SUCLG2: variants seen among roughly 807,000 people sequenced by gnomAD.
SUCLG2 encodes the protein succinate--CoA ligase [GDP-forming] subunit beta, mitochondrial.
A neutral mutation model predicts 47.9 loss-of-function variants in SUCLG2; 42 were observed. That is an observed-to-expected ratio of 0.88 (90% CI 0.69 to 1.14). SUCLG2 has a LOEUF of 1.14. Among genes scored for constraint, SUCLG2 ranks in the 50% most tolerant of loss-of-function variants. The pLI, the probability that SUCLG2 is intolerant of heterozygous loss-of-function variation, is 0.00. For synonymous variants in SUCLG2, 195 were observed against 197.3 expected, an observed-to-expected ratio of 0.99 and a Z score of 0.10; for missense variants, 571 against 525.9, an observed-to-expected ratio of 1.09 and a Z score of -0.84.
chr3:67,380,219 G>T (rs1395950794), intron 10 of SUCLG2, among the ~76,000 whole-genome samples: 1 of 151,020 alleles, frequency 6.6e-6, no homozygotes. Flanking sequence ...TTTGGGAGTG[G>T]CTCCTTTTGC....
In SUCLG2 at chr3:67,511,016, G is replaced by A. The variant is rs752484771; in HGVS notation, c.661-2113C>T. Among the ~76,000 whole-genome samples, 21 of 150,448 alleles carry A rather than the reference G, an allele frequency of 1.4e-4. 1 individual carries two copies. Among genetic ancestry groups the A allele is most frequent in the South Asian group, 4.2e-4 (2 of 4,742 alleles). On this transcript the variant is annotated intron_variant, in intron 6 of 10. Transcript: ENST00000307227. ...AGCAATTCCCCTGCCTCAGCCTCCC[G>A]AGTAGCTAGGACTACAGGTGTGCCA... is the stretch of plus-strand genomic sequence containing the variant.
chr3:67,425,521 A>C (rs1019100671), intron 9 of SUCLG2, among the ~76,000 whole-genome samples: 2 of 151,692 alleles, frequency 1.3e-5, no homozygotes, highest in African/African-American at 2.4e-5. Flanking sequence ...CCTAAGCATA[A>C]AAAAAAAGGT....
intron 6 of SUCLG2, among the ~76,000 whole-genome samples, chr3:67,511,415 T>C (rs1430047344): frequency 6.6e-6 from 1 of 152,172 alleles, no homozygotes; most frequent in Non-Finnish European, 1.5e-5. Context: ...GGGAGGTAAC[T>C]GAATCATGGG....
At chr3:67,477,016 C>T (rs1704779992) in intron 9 of SUCLG2, among the ~76,000 whole-genome samples, 2 of 152,098 alleles carry the variant, frequency 1.3e-5, no homozygotes, top group Non-Finnish European at 2.9e-5. Context: ...TTATCTATTA[C>T]CCCCTGAACA....
At chr3:67,537,933 A>G (rs1706591326) in intron 2 of SUCLG2, among the ~76,000 whole-genome samples, 1 of 152,044 alleles carries the variant, frequency 6.6e-6, no homozygotes, top group African/African-American at 2.4e-5. Context: ...TCTTTCTTGT[A>G]AATTTGTTTA....
chr3:67,400,833 T>G lies in SUCLG2; in HGVS notation c.1081A>C (p.Asn361His). The change falls in exon 10 of 11, where the codon AAT becomes CAT. Residue 361 changes from asparagine (N) to histidine (H), a missense_variant. By Grantham distance (68) the Asn-to-His change is moderately conservative (BLOSUM62 1). Transcript: ENST00000307227. ...ADPKVEAILV[N>H]IFGGIVNCAI... Reference sequence around the variant, plus strand: ...CAGTTGACGATACCACCAAATATATTGACAAGGATGGCTTCAACCTGAAAT... The same window carrying G: ...CAGTTGACGATACCACCAAATATATGGACAAGGATGGCTTCAACCTGAAAT... 1 of 1,612,842 alleles carries G rather than the reference T, an allele frequency of 6.2e-7. No individual in the cohort carries two copies. The highest frequency in any genetic ancestry group is 8.5e-7 in the Non-Finnish European group (1 of 1,179,792).
At chr3:67,553,489 T>C (rs575278285) in intron 2 of SUCLG2, among the ~76,000 whole-genome samples, 2 of 152,364 alleles carry the variant, frequency 1.3e-5, no homozygotes, top group Admixed American at 6.5e-5. Flanking sequence ...AAGGGGGCTT[T>C]TGGACTTAAA....
intron 6 of SUCLG2, among the ~76,000 whole-genome samples, chr3:67,509,744 G>C (rs968753408): frequency 1.4e-4 from 22 of 152,152 alleles, no homozygotes; most frequent in African/African-American, 5.3e-4. Context: ...TTAGGTATCA[G>C]TCTCATTCCC....
At chr3:67,435,716 G>C (rs1408822827) in intron 9 of SUCLG2, among the ~76,000 whole-genome samples, 2 of 152,152 alleles carry the variant, frequency 1.3e-5, no homozygotes, top group East Asian at 3.9e-4. Context: ...AAGAAAGATG[G>C]GCCCTAAATG....
rs559628675 is a variant in SUCLG2, at chr3:67,498,376, C to T, written c.758-81G>A. ...AGTTCTTCAGGCTGGTAGGCACAAG[C>T]GAAGGGAAAGTTAAGTACTGTCATT... is the stretch of plus-strand genomic sequence containing the variant. On this transcript the variant is annotated intron_variant, in intron 7 of 10. Transcript: ENST00000307227. 76 of 1,468,476 alleles carry T rather than the reference C, an allele frequency of 5.2e-5. No individual in the cohort carries two copies. In the African/African-American group the frequency reaches 8.2e-4, roughly 16 times the overall value. 91.0% of individuals were successfully genotyped at this position (1,468,476 alleles called of 1,614,324 possible). A position where few individuals can be genotyped will look rare whatever the true frequency, so the allele number is the denominator to read the frequency against.
chr3:67,495,712 T>C (rs566123680), intron 9 of SUCLG2, 86 bp downstream of exon 9: 5 of 1,457,090 alleles, frequency 3.4e-6, no homozygotes, highest in East Asian at 4.6e-5. Flanking sequence ...TATTGACTTA[T>C]CAACTCTCAC....
rs558211078 is a variant in SUCLG2, at chr3:67,376,134, C to T, written c.1184-275G>A. 4.9e-5 allele frequency: 48 copies of T among 984,846 alleles called. No homozygotes were observed. The South Asian group carries it at 2.1e-3, about 43-fold the overall frequency. The allele number at this position is 984,846 out of a possible 1,614,324, so 61.0% of individuals were successfully genotyped here. Reference sequence around the variant, plus strand: ...CTGAGTTGTCTGCTGATAATCACAGCCATGTGGATTTAATGCGGTTTTGGC... The same window carrying T: ...CTGAGTTGTCTGCTGATAATCACAGTCATGTGGATTTAATGCGGTTTTGGC... On this transcript the variant is annotated intron_variant, in intron 10 of 10. Transcript: ENST00000307227.
chr3:67,585,850 C>A (rs1708000075), intron 2 of SUCLG2, among the ~76,000 whole-genome samples: 1 of 151,724 alleles, frequency 6.6e-6, no homozygotes, highest in South Asian at 2.1e-4. Flanking sequence ...GCCTGTAATT[C>A]CAGCTACTTG....
chr3:67,410,233 TATA>T (rs1261297933), intron 9 of SUCLG2, among the ~76,000 whole-genome samples: 2 of 152,122 alleles, frequency 1.3e-5, no homozygotes, highest in African/African-American at 4.8e-5. Flanking sequence ...AGGTCAAAGT[TATA>T]GTATCTACAA....
intron 10 of SUCLG2, among the ~76,000 whole-genome samples, chr3:67,380,522 T>C (rs1415015074): frequency 6.6e-6 from 1 of 152,218 alleles, no homozygotes; most frequent in Non-Finnish European, 1.5e-5. Flanking sequence ...AGTTACACTT[T>C]AATTACCACC....
At chr3:67,603,272 T>C (rs1374066976) in intron 2 of SUCLG2, among the ~76,000 whole-genome samples, 1 of 152,252 alleles carries the variant, frequency 6.6e-6, no homozygotes, top group South Asian at 2.1e-4. Context: ...TAACCACATG[T>C]CATAGGACAA....
chr3:67,454,725 G>A (rs913911323), intron 9 of SUCLG2, among the ~76,000 whole-genome samples: 1 of 152,132 alleles, frequency 6.6e-6, no homozygotes, highest in African/African-American at 2.4e-5. Flanking sequence ...CACTTTGGGA[G>A]GCCAAGGCGG....
At chr3:67,650,164 T>C (rs528003683) in intron 1 of SUCLG2, among the ~76,000 whole-genome samples, 2 of 152,308 alleles carry the variant, frequency 1.3e-5, no homozygotes, top group East Asian at 3.9e-4. Context: ...AAGTCAAATA[T>C]TTATTCTCCT....
At chr3:67,639,082 G>A (rs531696043) in intron 1 of SUCLG2, among the ~76,000 whole-genome samples, 4 of 152,298 alleles carry the variant, frequency 2.6e-5, no homozygotes, top group South Asian at 2.1e-4. Flanking sequence ...GAAAAGAAGA[G>A]CTGGCTTCAG....
Sources: gnomAD v4.1 joint callset for allele counts (sites outside exome capture counted in the v4.1 genomes callset) on GRCh38, gnomAD v4.1.1 for gene constraint, MANE v1.5 for transcripts, NCBI Gene and HGNC (gene_info 2026-07-23, HGNC 2026-07-21) for gene names.